MAGED1: variants seen among roughly 807,000 people sequenced by gnomAD.
MAGED1 encodes the protein melanoma-associated antigen D1.
Under a neutral mutation model 54.1 loss-of-function variants are expected in MAGED1, and 3 were observed. The observed-to-expected ratio is 0.06, with a 90% CI of 0.03 to 0.14. The LOEUF (loss-of-function observed/expected upper bound fraction) is 0.14, where lower values mean the gene tolerates loss of function less well. Among genes scored for constraint, MAGED1 ranks in the 10% least tolerant of loss-of-function variants. The pLI is 1.00. For missense variants in MAGED1, 485 were observed against 623.4 expected (o/e 0.78, Z 2.36); for synonymous variants, 217 against 227.3 (o/e 0.95, Z 0.41).
chrX:51,885,657 C>A (rs1219514773), intron 1 of MAGED1, among the ~76,000 whole-genome samples: 3 of 111,152 alleles, frequency 2.7e-5, no homozygotes, highest in South Asian at 3.9e-4. Flanking sequence ...CTAAAAAAAT[C>A]TTTGCCCAAA....
At chrX:51,829,879 A>G (rs925465247) in intron 1 of MAGED1, among the ~76,000 whole-genome samples, 16 of 111,964 alleles carry the variant, frequency 1.4e-4, no homozygotes, top group Non-Finnish European at 2.1e-4. Context: ...AAGAAATACA[A>G]TCACATTCAA....
At position 51,895,228 on chromosome X, in the gene MAGED1, C is replaced by T; in HGVS notation, c.221C>T (p.Pro74Leu). The T allele has an allele frequency of 3.3e-6, 4 of 1,211,636 alleles. No homozygotes were observed. In the South Asian group the frequency reaches 7.0e-5, roughly 21 times the overall value. The stretch of plus-strand genomic sequence containing the variant: ...CAGGTTTCAGCAGCTGCCGCTAGGC[C>T]TAAGTCAGCCTTTAAAGTCCAGAAT... ...DIQVSAAAAR[P>L]KSAFKVQNAT... The change falls in exon 3 of 13, where the codon CCT (proline) becomes CTT (leucine). Residue 74 changes from proline to leucine, a missense_variant. Pro to Leu is a moderately conservative substitution (Grantham distance 98). This residue lies in a region of MAGED1 where 299 missense variants were observed against 293.1 expected (regional missense o/e 1.02). Transcript: ENST00000326587.
At chrX:51,827,812 A>G (rs782108887) in intron 1 of MAGED1, among the ~76,000 whole-genome samples, 11 of 112,044 alleles carry the variant, frequency 9.8e-5, no homozygotes, top group Non-Finnish European at 1.9e-4. Context: ...TGCGGTATCA[A>G]AAAAAATCTG....
At position 51,819,946 on chromosome X, in the gene MAGED1, C is replaced by G. The variant is rs782514238; in HGVS notation, c.-37+16829C>G. 1.2e-3 allele frequency among the ~76,000 whole-genome samples: 130 copies of G among 111,814 alleles called. 1 individual carries two copies. The Middle Eastern group carries it at 0.014, about 12-fold the overall frequency. On this transcript the variant is annotated intron_variant, in intron 1 of 12. Coordinates refer to the MAGED1 transcript ENST00000375772. ...ATAATTTTAGCTTCTACATGTAAATCTTTGATCTCTTTTGAGTTTATTTTT... is the reference window on the plus strand; with the variant it reads ...ATAATTTTAGCTTCTACATGTAAATGTTTGATCTCTTTTGAGTTTATTTTT...
At chrX:51,875,605 A>G (rs1927838882) in intron 1 of MAGED1, among the ~76,000 whole-genome samples, 1 of 111,913 alleles carries the variant, frequency 8.9e-6, no homozygotes, top group African/African-American at 3.2e-5. Context: ...AGGAAGTTAT[A>G]TGGTGGAGAC....
intron 1 of MAGED1, among the ~76,000 whole-genome samples, chrX:51,861,097 G>A (rs1927266281): frequency 9.0e-6 from 1 of 111,539 alleles, no homozygotes; most frequent in African/African-American, 3.3e-5. Context: ...AAAGCAAACA[G>A]TGGGGCGGGG....
intron 1 of MAGED1, among the ~76,000 whole-genome samples, chrX:51,832,011 G>C (rs1306049301): frequency 9.0e-6 from 1 of 111,554 alleles, no homozygotes; most frequent in Non-Finnish European, 1.9e-5. Context: ...ATTCCACTCT[G>C]TTAGTTATTT....
At chrX:51,816,720 C>T (rs1925441673) in intron 1 of MAGED1, among the ~76,000 whole-genome samples, 1 of 55,148 alleles carries the variant, frequency 1.8e-5, no homozygotes, top group South Asian at 1.3e-3. Context: ...CTAAGTGACA[C>T]GATTGTAAAA....
At chrX:51,890,588 A>G (rs1280503251), upstream of MAGED1, among the ~76,000 whole-genome samples, 1 of 111,431 alleles carries the variant, frequency 9.0e-6, no homozygotes, top group Non-Finnish European at 1.9e-5. Context: ...ACCTTACTAA[A>G]ATGTTAAAAA....
At chrX:51,826,531 C>T (rs1925858838) in intron 1 of MAGED1, among the ~76,000 whole-genome samples, 1 of 110,962 alleles carries the variant, frequency 9.0e-6, no homozygotes, top group Non-Finnish European at 1.9e-5. Flanking sequence ...AAAAAAAAAT[C>T]AGTTGACTAA....
intron 1 of MAGED1, among the ~76,000 whole-genome samples, chrX:51,854,529 G>A (rs1557360029): frequency 9.0e-6 from 1 of 111,446 alleles, no homozygotes; most frequent in African/African-American, 3.3e-5. Context: ...GAGCTTTGGA[G>A]CCAGACCCAC....
intron 1 of MAGED1, among the ~76,000 whole-genome samples, chrX:51,860,437 A>G (rs1207848639): frequency 2.7e-5 from 3 of 111,495 alleles, no homozygotes; most frequent in Non-Finnish European, 3.8e-5. Flanking sequence ...CACTGACTAG[A>G]TATAGGGGGA....
chrX:51,807,419 T>C (rs1219858498), intron 1 of MAGED1, among the ~76,000 whole-genome samples: 1 of 111,612 alleles, frequency 9.0e-6, no homozygotes, highest in East Asian at 2.8e-4. Flanking sequence ...TTTGATGAAC[T>C]GAATATCTGA....
rs1227885889 is a variant in MAGED1, at chrX:51,806,621, A to G, written c.-37+3504A>G. Among the ~76,000 whole-genome samples the G allele has an allele frequency of 4.5e-5, 5 of 111,577 alleles. No homozygotes were observed. The Admixed American group carries it at 4.8e-4, about 11-fold the overall frequency. ...TTGTTTTCATTTTCAGCTTGCAAAT[A>G]GTATTGTGAGCATTCTAGTACATGT... is the stretch of plus-strand genomic sequence containing the variant. On this transcript the variant is annotated intron_variant, in intron 1 of 12. Transcript: ENST00000375772.
chrX:51,898,625 A>G lies in MAGED1; in HGVS notation c.1826A>G (p.Tyr609Cys). Residue 609 changes from tyrosine to cysteine, a missense_variant, in exon 10 of 13, where the codon TAT becomes TGT. Tyr to Cys is a radical substitution (Grantham distance 194). Coordinates refer to ENST00000326587, the MANE Select transcript of MAGED1 (RefSeq NM_006986.4). ...LLGDLRKLLT[Y>C]EFVKQKYLDY... Reference sequence around the variant, plus strand: ...GGAGATCTAAGGAAACTTCTCACCTATGAGTTTGTAAAGCAGAAGTAAGTG... The same window carrying G: ...GGAGATCTAAGGAAACTTCTCACCTGTGAGTTTGTAAAGCAGAAGTAAGTG... The G allele has an allele frequency of 8.3e-7, 1 of 1,208,092 alleles. No homozygotes were observed.
At chrX:51,865,841 T>TCTCA (rs1927442975) in intron 1 of MAGED1, among the ~76,000 whole-genome samples, 1 of 111,538 alleles carries the variant, frequency 9.0e-6, no homozygotes, top group African/African-American at 3.3e-5. Context: ...GATTTCCCCC[T>TCTCA]TGCTGTTCTC....
chrX:51,864,515 G>T (rs941194577), intron 1 of MAGED1, among the ~76,000 whole-genome samples: 1 of 111,365 alleles, frequency 9.0e-6, no homozygotes, highest in Non-Finnish European at 1.9e-5. Context: ...ATTAATAGGG[G>T]TTTTATTGAA....
chrX:51,836,314 T>C (rs1171503209), intron 1 of MAGED1, among the ~76,000 whole-genome samples: 1 of 110,988 alleles, frequency 9.0e-6, no homozygotes, highest in African/African-American at 3.3e-5. Flanking sequence ...TTTATATAAC[T>C]AAAAATTTCT....
intron 7 of MAGED1, 105 bp downstream of exon 7, chrX:51,897,991 T>C: frequency 2.3e-6 from 2 of 868,016 alleles, no homozygotes; most frequent in South Asian, 4.5e-5. Context: ...TAGCAGGTCA[T>C]GGGCAGAGCT....
Sources: gnomAD v4.1 joint callset for allele counts (sites outside exome capture counted in the v4.1 genomes callset) on GRCh38, gnomAD v4.1.1 for gene constraint, gnomAD v4.1.1 regional missense constraint, MANE v1.5 for transcripts, NCBI Gene and HGNC (gene_info 2026-07-23, HGNC 2026-07-21) for gene names.